The following LPO variants were observed in gnomAD, a reference collection of about 807,000 sequenced individuals.
LPO encodes the protein lactoperoxidase, also known as salivary peroxidase.
In LPO, 70 loss-of-function variants were observed where a neutral mutation model predicts 68.4. That is an observed-to-expected ratio of 1.02 (90% CI 0.84 to 1.25). LPO has a LOEUF of 1.25. Ranked by LOEUF, LPO falls within the 50% of genes most tolerant of loss-of-function variation. The pLI, the probability that LPO is intolerant of heterozygous loss-of-function variation, is 0.00. For missense variants in LPO, 873 were observed against 908.4 expected, an observed-to-expected ratio of 0.96 and a Z score of 0.50; for synonymous variants, 360 against 357.6, an observed-to-expected ratio of 1.01 and a Z score of -0.08.
chr17:58,250,625 C>T lies in LPO; in HGVS notation c.780+4C>T, dbSNP rs756220486. The T allele has an allele frequency of 5.0e-6, 8 of 1,613,736 alleles. No homozygotes were observed. Among genetic ancestry groups the T allele is most frequent in the South Asian group, 1.1e-5 (1 of 91,070 alleles). On this transcript the variant is annotated splice_donor_region_variant and intron_variant, in intron 7 of 12. Transcript: ENST00000262290. ...AGACAACTGCTTCCCCATCATGGTA[C>T]GGCCCTGCAGCTAGGCATCTCTGAC...
In LPO at chr17:58,268,253, G is replaced by A; in HGVS notation, c.*259G>A. On this transcript the variant is annotated 3_prime_UTR_variant, in exon 13 of 13. Transcript: ENST00000262290. ...AGATGCCCTTCTGCTCCAGCTTGCTGGATGTTACCTGTCCTCTTCCCTCCA... is the reference window on the plus strand; with the variant it reads ...AGATGCCCTTCTGCTCCAGCTTGCTAGATGTTACCTGTCCTCTTCCCTCCA... 2.0e-6 allele frequency: 1 copy of A among 508,796 alleles called. No homozygotes were observed. The highest frequency in any genetic ancestry group is 1.9e-5 in the African/African-American group (1 of 51,998). 31.5% of individuals were successfully genotyped at this position (508,796 alleles called of 1,614,324 possible).
At chr17:58,255,599 G>A (rs917520996) in intron 9 of LPO, among the ~76,000 whole-genome samples, 17 of 152,338 alleles carry the variant, frequency 1.1e-4, no homozygotes, top group Non-Finnish European at 2.4e-4. Flanking sequence ...GCAGCACCGA[G>A]CAGAGGGCAG....
chr17:58,261,227 C>G (rs972462041), intron 9 of LPO, among the ~76,000 whole-genome samples: 4 of 152,182 alleles, frequency 2.6e-5, no homozygotes, highest in Non-Finnish European at 5.9e-5. Flanking sequence ...GTTGAAATCC[C>G]TAGCTATAAA....
chr17:58,254,128 G>GATAGATATATAGATATATAGATAT (rs1555605277), intron 8 of LPO, among the ~76,000 whole-genome samples: 4 of 113,958 alleles, frequency 3.5e-5, no homozygotes, highest in African/African-American at 1.3e-4. Flanking sequence ...GATAGATGAT[G>GATAGATATATAGATATATAGATAT]ATAGATATAT....
intron 1 of LPO, among the ~76,000 whole-genome samples, chr17:58,242,553 G>T (rs147679150): frequency 6.6e-6 from 1 of 152,262 alleles, no homozygotes; most frequent in African/African-American, 2.4e-5. Flanking sequence ...TGGTAACAGC[G>T]TTTCTCACAC....
chr17:58,249,508 G>A (rs1445547306), intron 5 of LPO, 58 bp from the exon 6 acceptor site: 1 of 1,579,642 alleles, frequency 6.3e-7, no homozygotes, highest in Non-Finnish European at 8.5e-7. Context: ...TGGGGTCCTG[G>A]GCTTTGGAGC....
At chr17:58,242,140 G>A (rs1300296895) in intron 1 of LPO, among the ~76,000 whole-genome samples, 2 of 152,198 alleles carry the variant, frequency 1.3e-5, no homozygotes, top group Non-Finnish European at 2.9e-5. Context: ...CCCCGGGCTG[G>A]AGCCAGAATC....
chr17:58,252,814 G>A lies in LPO; in HGVS notation c.1105+308G>A, dbSNP rs8178346. Among the ~76,000 whole-genome samples the A allele has an allele frequency of 5.3e-3, 801 of 152,022 alleles. 22 individuals are homozygous for A. The highest frequency in any genetic ancestry group is 0.037 in the East Asian group (192 of 5,156). Reference sequence around the variant, plus strand: ...CGAGGCAGGCAGATCATGAGGTCACGAGATCGAGACCATCCTGGCTAACAT... The same window carrying A: ...CGAGGCAGGCAGATCATGAGGTCACAAGATCGAGACCATCCTGGCTAACAT... On this transcript the variant is annotated intron_variant, in intron 8 of 12. Coordinates refer to ENST00000262290, the MANE Select transcript of LPO (RefSeq NM_006151.3).
At chr17:58,257,825 A>C (rs1970100039) in intron 9 of LPO, among the ~76,000 whole-genome samples, 1 of 152,158 alleles carries the variant, frequency 6.6e-6, no homozygotes, top group Non-Finnish European at 1.5e-5. Flanking sequence ...TATATAAGTT[A>C]TTTTAACTGG....
intron 9 of LPO, among the ~76,000 whole-genome samples, chr17:58,255,415 T>G (rs1598027919): frequency 6.6e-6 from 1 of 152,270 alleles, no homozygotes; most frequent in South Asian, 2.1e-4. Flanking sequence ...TTTACAAAGG[T>G]TGATGTGTTG....
intron 9 of LPO, among the ~76,000 whole-genome samples, chr17:58,256,155 A>G (rs1027526748): frequency 1.3e-5 from 2 of 152,192 alleles, no homozygotes; most frequent in African/African-American, 4.8e-5. Flanking sequence ...AGGCTCATCC[A>G]TGCTGTTGTG....
intron 5 of LPO, 96 bp downstream of exon 5, chr17:58,249,273 A>C: frequency 4.3e-6 from 5 of 1,158,832 alleles, no homozygotes; most frequent in Non-Finnish European, 6.2e-6. Context: ...CAGATCTGCC[A>C]CTGCCTTGCC....
chr17:58,264,313 T>A (rs1390366491), intron 9 of LPO, among the ~76,000 whole-genome samples: 1 of 152,220 alleles, frequency 6.6e-6, no homozygotes, highest in Non-Finnish European at 1.5e-5. Flanking sequence ...GAACTGGAGA[T>A]TGGATGAACT....
intron 12 of LPO, 56 bp downstream of exon 12, chr17:58,267,642 TC>T (rs1243143266): frequency 6.6e-7 from 1 of 1,516,998 alleles, no homozygotes; most frequent in Admixed American, 1.8e-5. Flanking sequence ...AAGAGGGGTG[TC>T]CCAAGGTCCT....
At chr17:58,244,155 C>A in intron 3 of LPO, 74 bp downstream of exon 3, 1 of 1,272,216 alleles carries the variant, frequency 7.9e-7, no homozygotes, top group Non-Finnish European at 1.1e-6. Flanking sequence ...GCTTCCTGTT[C>A]ATGACAAGCA....
chr17:58,264,660 C>T (rs1241924906), intron 9 of LPO, 62 bp from the exon 10 acceptor site: 5 of 1,574,856 alleles, frequency 3.2e-6, no homozygotes, highest in Admixed American at 3.4e-5. Flanking sequence ...CTTTCACAGC[C>T]TCCCTCTGCA....
chr17:58,245,799 C>T (rs974620980), intron 3 of LPO, among the ~76,000 whole-genome samples: 13 of 152,182 alleles, frequency 8.5e-5, no homozygotes, highest in African/African-American at 1.9e-4. Context: ...AATTCTCTCT[C>T]GCTCCTCAAA....
intron 12 of LPO, 49 bp downstream of exon 12, chr17:58,267,635 A>G: frequency 6.5e-7 from 1 of 1,538,316 alleles, no homozygotes. Flanking sequence ...CTTCTCCAAG[A>G]GGGGTGTCCC....
chr17:58,264,827 A>C lies in LPO; in HGVS notation c.1372A>C (p.Asn458His). ...YSESVDPRIS[N>H]VFTFAFRFGH... ...TGAATCTGTGGATCCCAGAATTTCC[A>C]ATGTCTTCACCTTCGCCTTCCGCTT... Residue 458 changes from asparagine (N) to histidine (H), a missense_variant, in exon 10 of 13, where the codon AAT (asparagine) becomes CAT (histidine). Physicochemically the swap from Asn to His is moderately conservative, Grantham distance 68 (BLOSUM62 1). Transcript: ENST00000262290. 1 of 1,614,222 alleles carries C rather than the reference A, an allele frequency of 6.2e-7. No homozygotes were observed. The highest frequency in any genetic ancestry group is 8.5e-7 in the Non-Finnish European group (1 of 1,180,036).
Sources: gnomAD v4.1 joint callset for allele counts (sites outside exome capture counted in the v4.1 genomes callset) on GRCh38, gnomAD v4.1.1 for gene constraint, MANE v1.5 for transcripts, NCBI Gene and HGNC (gene_info 2026-07-23, HGNC 2026-07-21) for gene names.